ARHGAP44: variants seen among roughly 807,000 people sequenced by gnomAD.
ARHGAP44 encodes the protein rho GTPase-activating protein 44.
In ARHGAP44, 43 loss-of-function variants were observed where a neutral mutation model predicts 106.8. That is an observed-to-expected ratio of 0.40 (90% CI 0.32 to 0.52). The LOEUF (loss-of-function observed/expected upper bound fraction) is 0.52, where lower values mean the gene tolerates loss of function less well. Ranked by LOEUF, ARHGAP44 falls within the 20% of genes least tolerant of loss-of-function variation. The pLI is 0.48. For missense variants in ARHGAP44, 866 were observed against 1,050.5 expected, an observed-to-expected ratio of 0.82 and a Z score of 2.43; for synonymous variants, 439 against 410.3, an observed-to-expected ratio of 1.07 and a Z score of -0.85.
chr17:12,941,862 C>G (rs2038718243), intron 8 of ARHGAP44, among the ~76,000 whole-genome samples: 2 of 152,082 alleles, frequency 1.3e-5, no homozygotes, highest in Admixed American at 1.3e-4. Context: ...AAAAAAAAAT[C>G]AGTTATGCTC....
chr17:12,845,522 A>C (rs35688451), intron 1 of ARHGAP44, among the ~76,000 whole-genome samples: 2 of 148,938 alleles, frequency 1.3e-5, no homozygotes, highest in Admixed American at 6.6e-5. Flanking sequence ...AAAAAAAAAA[A>C]CAAAAAAACA....
At chr17:12,874,361 C>T (rs774027100) in intron 1 of ARHGAP44, among the ~76,000 whole-genome samples, 3 of 152,074 alleles carry the variant, frequency 2.0e-5, no homozygotes, top group Non-Finnish European at 4.4e-5. Context: ...AGCAAAGAAG[C>T]AGAGGTGGAG....
intron 1 of ARHGAP44, among the ~76,000 whole-genome samples, chr17:12,813,528 A>C (rs2034500493): frequency 6.6e-6 from 1 of 152,200 alleles, no homozygotes; most frequent in Non-Finnish European, 1.5e-5. Flanking sequence ...TATGCATACA[A>C]ATACATACAT....
At chr17:12,956,994 C>G (rs2039145404) in intron 15 of ARHGAP44, among the ~76,000 whole-genome samples, 1 of 152,126 alleles carries the variant, frequency 6.6e-6, no homozygotes, top group African/African-American at 2.4e-5. Flanking sequence ...TCTTGTTGCC[C>G]AGGCTGGATT....
At chr17:12,989,110 A>AAAAAAAAC in intron 20 of ARHGAP44, among the ~76,000 whole-genome samples, 1 of 137,520 alleles carries the variant, frequency 7.3e-6, no homozygotes, top group Admixed American at 7.2e-5. Context: ...CCAAAAAAAA[A>AAAAAAAAC]AAAAAAAAAA....
chr17:12,950,198 TCA>T (rs1283181630), intron 12 of ARHGAP44, among the ~76,000 whole-genome samples: 2 of 152,210 alleles, frequency 1.3e-5, no homozygotes, highest in African/African-American at 4.8e-5. Flanking sequence ...CTGGAAGGGC[TCA>T]CGTAGGCTGA....
At chr17:12,854,186 A>G (rs2035839180) in intron 1 of ARHGAP44, among the ~76,000 whole-genome samples, 1 of 152,178 alleles carries the variant, frequency 6.6e-6, no homozygotes, top group Non-Finnish European at 1.5e-5. Flanking sequence ...AGGAGGGTGC[A>G]GGAAGAAAAC....
chr17:12,841,633 C>CAAAAAAAAAA (rs564355904), intron 1 of ARHGAP44, among the ~76,000 whole-genome samples: 4 of 102,778 alleles, frequency 3.9e-5, no homozygotes, highest in African/African-American at 1.6e-4. Flanking sequence ...CACACACACA[C>CAAAAAAAAAA]ACACACAAAC....
At chr17:12,918,420 G>A (rs994269503) in intron 5 of ARHGAP44, among the ~76,000 whole-genome samples, 5 of 152,050 alleles carry the variant, frequency 3.3e-5, no homozygotes, top group Admixed American at 6.5e-5. Context: ...GCCAATTTTC[G>A]TTTTGCATTC....
chr17:12,836,663 A>G (rs546680449), intron 1 of ARHGAP44, among the ~76,000 whole-genome samples: 1 of 152,168 alleles, frequency 6.6e-6, no homozygotes, highest in East Asian at 1.9e-4. Context: ...TCTCAAAAAA[A>G]GAAAAGAAAA....
intron 1 of ARHGAP44, among the ~76,000 whole-genome samples, chr17:12,874,732 TA>T (rs34258013): frequency 0.27 from 39,044 of 143,620 alleles, 5,805 homozygotes; most frequent in African/African-American, 0.42. Context: ...AACTCTGTCT[TA>T]AAAAAAAAAA....
At chr17:12,916,139 G>A in intron 5 of ARHGAP44, 128 bp downstream of exon 5, 1 of 750,718 alleles carries the variant, frequency 1.3e-6, no homozygotes, top group Non-Finnish European at 2.2e-6. Context: ...TTTTCATCAG[G>A]GATTCTTACC....
At chr17:12,860,514 T>G (rs1213650586) in intron 1 of ARHGAP44, among the ~76,000 whole-genome samples, 2 of 152,240 alleles carry the variant, frequency 1.3e-5, no homozygotes, top group African/African-American at 4.8e-5. Context: ...ATCTCCAGCA[T>G]TTCCAGTGCT....
intron 6 of ARHGAP44, among the ~76,000 whole-genome samples, chr17:12,921,797 C>T (rs1402206015): frequency 6.6e-6 from 1 of 152,112 alleles, no homozygotes; most frequent in African/African-American, 2.4e-5. Context: ...TCGTGGGTGG[C>T]TGTTTTGAGT....
At chr17:12,929,611 C>T (rs551457508) in intron 7 of ARHGAP44, among the ~76,000 whole-genome samples, 38 of 152,280 alleles carry the variant, frequency 2.5e-4, no homozygotes, top group African/African-American at 8.4e-4. Flanking sequence ...TGATGTCCTT[C>T]GTTGTACTCA....
At chr17:12,902,562 C>G (rs62058087) in intron 3 of ARHGAP44, among the ~76,000 whole-genome samples, 209 of 152,324 alleles carry the variant, frequency 1.4e-3, no homozygotes, top group Non-Finnish European at 2.2e-3. Flanking sequence ...CCTGCCCCAG[C>G]AGGGCAATGG....
intron 1 of ARHGAP44, among the ~76,000 whole-genome samples, chr17:12,877,870 A>G (rs1048246263): frequency 6.6e-6 from 1 of 152,240 alleles, no homozygotes; most frequent in Non-Finnish European, 1.5e-5. Context: ...CTTGGATGGC[A>G]TCAGAGAAGT....
At chr17:12,902,042 G>A (rs572832625) in intron 3 of ARHGAP44, among the ~76,000 whole-genome samples, 15 of 152,202 alleles carry the variant, frequency 9.9e-5, no homozygotes, top group African/African-American at 2.6e-4. Context: ...CTCTGCAAGC[G>A]CAGGAGCCAA....
chr17:12,795,046 C>T (rs989054585), intron 1 of ARHGAP44, among the ~76,000 whole-genome samples: 3 of 152,136 alleles, frequency 2.0e-5, no homozygotes, highest in Non-Finnish European at 4.4e-5. Context: ...TGCTTTGTTC[C>T]TTCCCTTCTA....
Sources: gnomAD v4.1 joint callset for allele counts (sites outside exome capture counted in the v4.1 genomes callset) on GRCh38, gnomAD v4.1.1 for gene constraint, MANE v1.5 for transcripts, NCBI Gene and HGNC (gene_info 2026-07-23, HGNC 2026-07-21) for gene names.